The following GRIP1 variants were observed in gnomAD, a reference collection of about 807,000 sequenced individuals.
GRIP1 encodes glutamate receptor interacting protein 1.
GRIP1 carries 45 observed loss-of-function variants against 129.9 expected under a neutral mutation model. The observed-to-expected ratio is 0.35, with a 90% CI of 0.27 to 0.44. The LOEUF (loss-of-function observed/expected upper bound fraction) is 0.44. Ranked by LOEUF, GRIP1 falls within the 20% of genes least tolerant of loss-of-function variation. GRIP1 has a pLI of 1.00. For missense variants in GRIP1, 1,196 were observed against 1,396.8 expected, an observed-to-expected ratio of 0.86 and a Z score of 2.29; for synonymous variants, 530 against 520.8, an observed-to-expected ratio of 1.02 and a Z score of -0.24.
intron 1 of GRIP1, among the ~76,000 whole-genome samples, chr12:66,992,712 A>T (rs1352633841): frequency 6.6e-6 from 1 of 152,246 alleles, no homozygotes; most frequent in Non-Finnish European, 1.5e-5. Context: ...TATACAAAGC[A>T]TATTTTCTGA....
intron 1 of GRIP1, among the ~76,000 whole-genome samples, chr12:67,038,031 T>C (rs2043124099): frequency 6.6e-6 from 1 of 151,640 alleles, no homozygotes; most frequent in African/African-American, 2.4e-5. Flanking sequence ...GCTGATGACA[T>C]ACATAAGTCA....
rs1454345656 is a variant in GRIP1, at chr12:66,445,467, C to A, written c.1396G>T (p.Val466Phe). The change falls in exon 12 of 25, where the codon GTT (valine) becomes TTT (phenylalanine). Residue 466 changes from valine to phenylalanine, a missense_variant. This residue lies in a region of GRIP1 where 508 missense variants were observed against 587.0 expected (regional missense o/e 0.87). Transcript: ENST00000359742. ...SSTVGLAGQVVHTETTEVVLT... is the reference protein window; with the variant it reads ...SSTVGLAGQVFHTETTEVVLT... ...ACAACCTCTGTGGTTTCTGTGTGAA[C>A]AACCTGCCCAGCCAATCCTACTGTG... 1 of 1,614,074 alleles carries A rather than the reference C, an allele frequency of 6.2e-7. No individual in the cohort carries two copies.
chr12:66,933,355 A>G (rs1228688422), intron 1 of GRIP1, among the ~76,000 whole-genome samples: 1 of 152,210 alleles, frequency 6.6e-6, no homozygotes, highest in Admixed American at 6.5e-5. Flanking sequence ...AATTAAGCTA[A>G]AAATAAATTG....
At chr12:67,016,571 T>C (rs1592471068) in intron 1 of GRIP1, among the ~76,000 whole-genome samples, 3 of 152,242 alleles carry the variant, frequency 2.0e-5, no homozygotes, top group African/African-American at 7.2e-5. Flanking sequence ...TGAGACTTTA[T>C]CTAGTTACTT....
intron 23 of GRIP1, among the ~76,000 whole-genome samples, chr12:66,369,872 GTGACT>G (rs1242735438): frequency 1.3e-5 from 2 of 152,200 alleles, no homozygotes; most frequent in Non-Finnish European, 2.9e-5. Flanking sequence ...ATTAGGATAT[GTGACT>G]TACCCATCAG....
At chr12:66,750,630 C>T (rs1238150238) in intron 1 of GRIP1, among the ~76,000 whole-genome samples, 1 of 152,186 alleles carries the variant, frequency 6.6e-6, no homozygotes, top group Non-Finnish European at 1.5e-5. Flanking sequence ...CCAGAGGCAA[C>T]AGGGTCAATC....
chr12:66,652,306 C>A (rs1229129355), intron 1 of GRIP1, among the ~76,000 whole-genome samples: 1 of 152,096 alleles, frequency 6.6e-6, no homozygotes, highest in East Asian at 1.9e-4. Context: ...CTCATGAGAT[C>A]TGATGGTTTT....
chr12:66,709,501 C>G (rs1160311531), intron 1 of GRIP1, among the ~76,000 whole-genome samples: 4 of 151,894 alleles, frequency 2.6e-5, no homozygotes, highest in African/African-American at 9.7e-5. Context: ...TGTATTTGTC[C>G]TACTTAGTGT....
At chr12:66,694,669 T>C (rs1224887158) in intron 1 of GRIP1, among the ~76,000 whole-genome samples, 1 of 152,232 alleles carries the variant, frequency 6.6e-6, no homozygotes, top group Non-Finnish European at 1.5e-5. Flanking sequence ...ATTATTGATA[T>C]TGCTGGTGAT....
chr12:66,699,257 G>A (rs2035268293), intron 1 of GRIP1, among the ~76,000 whole-genome samples: 1 of 152,158 alleles, frequency 6.6e-6, no homozygotes, highest in South Asian at 2.1e-4. Flanking sequence ...GTACCTGGTG[G>A]GGCTTCTGTG....
rs112035162 is a variant in GRIP1 at position 66,709,550 on chromosome 12, T to C, written c.-419-79214A>G. ...GTTTCACTGCATTCATGTTAACAGT[T>C]TGATGACAGGGAGTTGTTCCTAGGG... On this transcript the variant is annotated intron_variant, in intron 1 of 4. Transcript: ENST00000538373. Among the ~76,000 whole-genome samples the C allele has an allele frequency of 8.1e-3, 1,239 of 152,032 alleles. 10 individuals carry two copies. Among genetic ancestry groups the C allele is most frequent in the Admixed American group, 0.015 (221 of 15,232 alleles).
intron 1 of GRIP1, among the ~76,000 whole-genome samples, chr12:66,876,849 A>G (rs2040392158): frequency 6.6e-6 from 1 of 152,084 alleles, no homozygotes; most frequent in South Asian, 2.1e-4. Context: ...AAATTTTTTC[A>G]TGTTCTGCAT....
rs1323855301 is a variant in GRIP1, at chr12:66,348,728, A to C, written c.*291T>G. ...AAAGTGATAGTAAGATGAACTTGTAAAAAATTTCCTCTGATGTTAATTGTA... is the reference window on the plus strand; with the variant it reads ...AAAGTGATAGTAAGATGAACTTGTACAAAATTTCCTCTGATGTTAATTGTA... On this transcript the variant is annotated 3_prime_UTR_variant, in exon 25 of 25. Transcript: ENST00000359742. 2.6e-6 allele frequency: 1 copy of C among 385,528 alleles called. No individual in the cohort carries two copies. Among genetic ancestry groups the C allele is most frequent in the Non-Finnish European group, 4.7e-6 (1 of 212,758 alleles). 23.9% of individuals were successfully genotyped at this position (385,528 alleles called of 1,614,324 possible).
intron 4 of GRIP1, among the ~76,000 whole-genome samples, chr12:66,533,840 T>TACACAC (rs10545416): frequency 1.2e-4 from 18 of 144,888 alleles, no homozygotes; most frequent in African/African-American, 4.4e-4. Context: ...TCTATCAGAT[T>TACACAC]ACACACACAC....
chr12:66,963,597 G>C (rs2041954586), intron 1 of GRIP1, among the ~76,000 whole-genome samples: 1 of 152,120 alleles, frequency 6.6e-6, no homozygotes, highest in Non-Finnish European at 1.5e-5. Context: ...TAACAATAAG[G>C]AATTCAAGAG....
chr12:66,439,685 G>A (rs563131270), intron 13 of GRIP1, among the ~76,000 whole-genome samples: 2 of 152,226 alleles, frequency 1.3e-5, no homozygotes, highest in Non-Finnish European at 2.9e-5. Context: ...CACACACCAC[G>A]TTTAGAAAGT....
intron 1 of GRIP1, among the ~76,000 whole-genome samples, chr12:66,928,383 T>C (rs1452232315): frequency 6.6e-6 from 1 of 152,210 alleles, no homozygotes; most frequent in Non-Finnish European, 1.5e-5. Context: ...TAAGATTCTT[T>C]TCCCTCTCTC....
chr12:66,819,016 A>G lies in GRIP1; in HGVS notation c.59-222089T>C, dbSNP rs115959711. Among the ~76,000 whole-genome samples the G allele has an allele frequency of 1.1e-3, 163 of 152,358 alleles. 1 individual carries two copies. The highest frequency in any genetic ancestry group is 3.7e-3 in the African/African-American group (153 of 41,586). ...GTACAAATACTAACAATGTACTTAA[A>G]TGTCTTTTACATGTATTTAGTTTAG... On this transcript the variant is annotated intron_variant, in intron 1 of 1. Coordinates refer to the GRIP1 transcript ENST00000643019.
At chr12:66,436,983 A>C (rs1171899658) in intron 13 of GRIP1, among the ~76,000 whole-genome samples, 2 of 151,506 alleles carry the variant, frequency 1.3e-5, no homozygotes, top group Non-Finnish European at 2.9e-5. Context: ...CCAAAAAAAA[A>C]AAAAAAAAAA....
Sources: allele counts gnomAD v4.1 joint callset (sites outside exome capture counted in the v4.1 genomes callset), GRCh38; gene constraint gnomAD v4.1.1; regional missense constraint gnomAD v4.1.1; transcripts MANE v1.5; gene names NCBI Gene and HGNC (gene_info 2026-07-23, HGNC 2026-07-21).